Variants in LMX1A observed in about 807,000 individuals in gnomAD.
LMX1A encodes LIM homeobox transcription factor 1 alpha, also known as LIM homeobox transcription factor 1-alpha.
LMX1A carries 15 observed loss-of-function variants against 49.1 expected under a neutral mutation model. The ratio of observed to expected loss-of-function variants is 0.31; its 90% CI spans 0.20 to 0.47. The LOEUF is 0.47. Among genes scored for constraint, LMX1A ranks in the 20% least tolerant of loss-of-function variants. The pLI is 1.00. For missense variants in LMX1A, 372 were observed against 475.8 expected, an observed-to-expected ratio of 0.78 and a Z score of 2.03; for synonymous variants, 167 against 185.7, an observed-to-expected ratio of 0.90 and a Z score of 0.82.
intron 3 of LMX1A, among the ~76,000 whole-genome samples, chr1:165,282,384 G>C (rs1220162221): frequency 1.3e-5 from 2 of 152,106 alleles, no homozygotes; most frequent in Non-Finnish European, 2.9e-5. Flanking sequence ...TGTAACCTAC[G>C]CACACCCTTC....
At chr1:165,266,760 C>T (rs1653635815) in intron 3 of LMX1A, among the ~76,000 whole-genome samples, 1 of 151,916 alleles carries the variant, frequency 6.6e-6, no homozygotes, top group African/African-American at 2.4e-5. Context: ...CGCCACCACG[C>T]CCAGCTAATT....
chr1:165,216,609 T>C (rs1284598148), intron 4 of LMX1A, among the ~76,000 whole-genome samples: 1 of 152,216 alleles, frequency 6.6e-6, no homozygotes, highest in Non-Finnish European at 1.5e-5. Context: ...AGTTGTATTA[T>C]CTCCAGAAAC....
intron 4 of LMX1A, chr1:165,218,711 C>T (rs1258997738): frequency 6.6e-6 from 1 of 152,212 alleles, no homozygotes; most frequent in Admixed American, 6.5e-5. Flanking sequence ...CAGGAGACTG[C>T]CCCCAGAACC....
At chr1:165,280,848 C>T (rs75203863) in intron 3 of LMX1A, among the ~76,000 whole-genome samples, 3,030 of 152,158 alleles carry the variant, frequency 0.02, 53 homozygotes, top group Admixed American at 0.03. Context: ...CGCATGGTAT[C>T]CCAGTGAGCC....
At position 165,249,577 on chromosome 1, in the gene LMX1A, C is replaced by A; in HGVS notation, c.327G>T (p.Arg109=). Residue 109 remains arginine, a synonymous_variant, in exon 4 of 9, where the codon CGG becomes CGT. Transcript: ENST00000342310. ...TCAGGTGGTATACACTCTTCTGGGC[C>A]CGCATAACAAACTCATTGGGAGCGA... is the stretch of plus-strand genomic sequence containing the variant. ...EAIAPNEFVM[R]AQKSVYHLSC... is the part of the protein sequence containing the mutation. 1 of 1,614,180 alleles carries A rather than the reference C, an allele frequency of 6.2e-7. No individual in the cohort carries two copies. The highest frequency in any genetic ancestry group is 8.5e-7 in the Non-Finnish European group (1 of 1,180,032).
At chr1:165,314,455 G>A (rs1299274557) in intron 3 of LMX1A, among the ~76,000 whole-genome samples, 1 of 152,116 alleles carries the variant, frequency 6.6e-6, no homozygotes, top group Non-Finnish European at 1.5e-5. Context: ...CAGGAGACAG[G>A]GTGCAGTAGC....
At chr1:165,343,692 C>A (rs1341011709) in intron 3 of LMX1A, among the ~76,000 whole-genome samples, 1 of 151,990 alleles carries the variant, frequency 6.6e-6, no homozygotes, top group Non-Finnish European at 1.5e-5. Context: ...ATGGAAGATC[C>A]CAACCAAAGA....
intron 4 of LMX1A, among the ~76,000 whole-genome samples, chr1:165,223,877 A>C (rs1324557688): frequency 6.6e-6 from 1 of 151,862 alleles, no homozygotes; most frequent in Non-Finnish European, 1.5e-5. Context: ...TTCTGGAGGC[A>C]GTATAACAGA....
chr1:165,349,149 GAA>G (rs1656339919), intron 3 of LMX1A, among the ~76,000 whole-genome samples: 1 of 152,194 alleles, frequency 6.6e-6, no homozygotes. Flanking sequence ...GCACATGAAA[GAA>G]ACAATAAAAA....
intron 4 of LMX1A, among the ~76,000 whole-genome samples, chr1:165,242,856 G>T (rs2102630912): frequency 1.3e-5 from 2 of 149,962 alleles, no homozygotes; most frequent in East Asian, 3.9e-4. Flanking sequence ...CGTGAACCCG[G>T]CAGGTGGAGC....
chr1:165,251,257 AT>A (rs1653051946), intron 3 of LMX1A, among the ~76,000 whole-genome samples: 1 of 151,930 alleles, frequency 6.6e-6, no homozygotes, highest in African/African-American at 2.4e-5. Flanking sequence ...TAATTTTTGT[AT>A]TTTTAGTAGA....
chr1:165,347,888 A>G (rs1284673098), intron 3 of LMX1A, among the ~76,000 whole-genome samples: 2 of 152,230 alleles, frequency 1.3e-5, no homozygotes, highest in Non-Finnish European at 2.9e-5. Context: ...CTTTGACCAT[A>G]AAAGAAAAAT....
intron 3 of LMX1A, among the ~76,000 whole-genome samples, chr1:165,301,199 C>G (rs377517163): frequency 1.3e-5 from 2 of 152,152 alleles, no homozygotes; most frequent in Admixed American, 1.3e-4. Flanking sequence ...AATATCCCTT[C>G]CCCTTTAACA....
Position 165,333,220 on chromosome 1 carries a change from C to T in LMX1A, c.263+19856G>A, listed in dbSNP as rs548588399. On this transcript the variant is annotated intron_variant, in intron 3 of 8. Transcript: ENST00000342310. ...TCACTCTTGTTGCCCAGCAACGGAG[C>T]GATCTCGGCTCACCACAACCTCTGC... is the stretch of plus-strand genomic sequence containing the variant. Among the ~76,000 whole-genome samples, 28 of 152,324 alleles carry T rather than the reference C, an allele frequency of 1.8e-4. 1 individual carries two copies. The South Asian group carries it at 2.1e-3, about 11-fold the overall frequency.
At chr1:165,216,129 A>C (rs1039535646) in intron 4 of LMX1A, 5 of 152,188 alleles carry the variant, frequency 3.3e-5, no homozygotes, top group African/African-American at 1.2e-4. Flanking sequence ...GCTGTTTTCC[A>C]GGGGGTGATG....
At chr1:165,337,591 C>T (rs992826569) in intron 3 of LMX1A, among the ~76,000 whole-genome samples, 2 of 152,136 alleles carry the variant, frequency 1.3e-5, no homozygotes, top group African/African-American at 4.8e-5. Context: ...CCAGAAGTAC[C>T]ATCTTCACCC....
Position 165,203,537 on chromosome 1 carries a change from ACCTC to A in LMX1A, c.*339_*342del. 1 of 189,452 alleles carries A rather than the reference ACCTC, an allele frequency of 5.3e-6. No homozygotes were observed. Among genetic ancestry groups the A allele is most frequent in the Non-Finnish European group, 1.1e-5 (1 of 90,026 alleles). 11.7% of individuals were successfully genotyped at this position (189,452 alleles called of 1,614,324 possible). A position where few individuals can be genotyped will look rare whatever the true frequency, so the allele number is the denominator to read the frequency against. ...GGTGTGTAGATGGATAGACATATGC[ACCTC>A]TTGACAAGAGCTTCCCCGACATGGT... On this transcript the variant is annotated 3_prime_UTR_variant, in exon 9 of 9. Coordinates refer to ENST00000342310, the MANE Select transcript of LMX1A (RefSeq NM_177398.4).
At chr1:165,223,676 C>G (rs1239088849) in intron 4 of LMX1A, among the ~76,000 whole-genome samples, 1 of 152,186 alleles carries the variant, frequency 6.6e-6, no homozygotes, top group Non-Finnish European at 1.5e-5. Flanking sequence ...ATACCCAGAG[C>G]ACGTGTTTGT....
intron 3 of LMX1A, among the ~76,000 whole-genome samples, chr1:165,258,890 G>C (rs1047553043): frequency 1.3e-5 from 2 of 152,172 alleles, no homozygotes; most frequent in African/African-American, 2.4e-5. Context: ...ACTTGAGCAA[G>C]TTACAAACTC....
Sources: allele counts gnomAD v4.1 joint callset (sites outside exome capture counted in the v4.1 genomes callset), GRCh38; gene constraint gnomAD v4.1.1; transcripts MANE v1.5; gene names NCBI Gene and HGNC (gene_info 2026-07-23, HGNC 2026-07-21).